The following CAMTA1 variants were observed in gnomAD, a reference collection of about 807,000 sequenced individuals.
CAMTA1 encodes the protein calmodulin binding transcription activator 1.
CAMTA1 carries 27 observed loss-of-function variants against 170.9 expected under a neutral mutation model. The ratio of observed to expected loss-of-function variants is 0.16; its 90% confidence interval spans 0.12 to 0.22. CAMTA1 has a LOEUF of 0.22. Ranked by LOEUF, CAMTA1 falls within the 10% of genes least tolerant of loss-of-function variation. CAMTA1 has a pLI of 1.00. For missense variants in CAMTA1, 1,619 were observed against 2,217.2 expected (o/e 0.73, Z 5.42); for synonymous variants, 833 against 891.5 (o/e 0.93, Z 1.17).
At chr1:6,864,769 G>A (rs1304377529) in intron 3 of CAMTA1, among the ~76,000 whole-genome samples, 1 of 152,126 alleles carries the variant, frequency 6.6e-6, no homozygotes, top group East Asian at 1.9e-4. Flanking sequence ...GGGCACTCTT[G>A]CTGGGTGTTT....
Position 7,179,252 on chromosome 1 carries a change from A to G in CAMTA1, c.303-70239A>G, listed in dbSNP as rs368288326. ...CGAATATCTATGCATGAAATAACAC[A>G]GGAACCACCTTTATAAAGCAGATAC... On this transcript the variant is annotated intron_variant, in intron 4 of 22. Transcript: ENST00000303635. Among the ~76,000 whole-genome samples, 5 of 152,374 alleles carry G rather than the reference A, an allele frequency of 3.3e-5. No homozygotes were observed. In the East Asian group the frequency reaches 9.6e-4, roughly 29 times the overall value.
At position 7,473,211 on chromosome 1, in the gene CAMTA1, G is replaced by C. The variant is rs2093363593; in HGVS notation, c.510+5310G>C. Among the ~76,000 whole-genome samples, 3 of 152,182 alleles carry C rather than the reference G, an allele frequency of 2.0e-5. No individual in the cohort carries two copies. In the South Asian group the frequency reaches 6.2e-4, roughly 31 times the overall value. ...CAAGGCTGCAGGGAGAGGCCCTAGG[G>C]GAGATGCCCCGGTTCCACTCCTGCC... On this transcript the variant is annotated intron_variant, in intron 6 of 22. Coordinates refer to ENST00000303635, the MANE Select transcript of CAMTA1 (RefSeq NM_015215.4).
chr1:7,047,702 T>G (rs1339235735), intron 3 of CAMTA1, among the ~76,000 whole-genome samples: 1 of 147,196 alleles, frequency 6.8e-6, no homozygotes, highest in East Asian at 1.9e-4. Flanking sequence ...TGGCTTTGGC[T>G]TTCTCTCTCT....
intron 16 of CAMTA1, among the ~76,000 whole-genome samples, chr1:7,743,403 CAGCTG>C (rs2096832488): frequency 6.6e-6 from 1 of 152,058 alleles, no homozygotes; most frequent in Non-Finnish European, 1.5e-5. Flanking sequence ...TAAACATATA[CAGCTG>C]AGCAACCATC....
At chr1:7,667,370 C>G (rs1025637966) in intron 9 of CAMTA1, among the ~76,000 whole-genome samples, 1 of 152,150 alleles carries the variant, frequency 6.6e-6, no homozygotes, top group Non-Finnish European at 1.5e-5. Context: ...GGGGGACGGT[C>G]AGAGCTGTCT....
At position 7,655,603 on chromosome 1, in the gene CAMTA1, C is replaced by T. The variant is rs976686809; in HGVS notation, c.665-6123C>T. Among the ~76,000 whole-genome samples the T allele has an allele frequency of 1.5e-4, 20 of 137,872 alleles. No individual in the cohort carries two copies. The East Asian group carries it at 4.3e-3, about 30-fold the overall frequency. 90.4% of individuals were successfully genotyped at this position (137,872 alleles called of 152,430 possible). A position where few individuals can be genotyped will look rare whatever the true frequency, so the allele number is the denominator to read the frequency against. On this transcript the variant is annotated intron_variant, in intron 7 of 22. Coordinates refer to ENST00000303635, the MANE Select transcript of CAMTA1 (RefSeq NM_015215.4). Reference sequence around the variant, plus strand: ...ACACACAAACACCCCTATACACACACCTATACACACCCACACACCTATACA... The same window carrying T: ...ACACACAAACACCCCTATACACACATCTATACACACCCACACACCTATACA...
rs528251482 is a variant in CAMTA1, at chr1:7,680,212, G to A, written c.2914+2479G>A. The A allele has an allele frequency of 6.1e-4, 169 of 278,016 alleles. No individual in the cohort carries two copies. The highest frequency in any genetic ancestry group is 3.6e-3 in the African/African-American group (160 of 44,000). The allele number at this position is 278,016 out of a possible 1,614,324, so 17.2% of individuals were successfully genotyped here. ...CGGGCCAATGCTGCAGTGGCCGGGCGGTGGTGAGCCTTCCGTTCCCCGCCT... is the reference window on the plus strand; with the variant it reads ...CGGGCCAATGCTGCAGTGGCCGGGCAGTGGTGAGCCTTCCGTTCCCCGCCT... On this transcript the variant is annotated intron_variant, in intron 11 of 22. Transcript: ENST00000303635. The surrounding 1 kb of genome is among the most constrained non-coding windows in gnomAD (Gnocchi z 4.4).
chr1:6,876,212 G>A (rs7546903), intron 3 of CAMTA1, among the ~76,000 whole-genome samples: 102,693 of 151,142 alleles, frequency 0.68, 35,307 homozygotes, highest in Admixed American at 0.77. Flanking sequence ...CTTCTCCTTC[G>A]TAGTTCCCTC....
At chr1:7,271,684 AG>A (rs1224183034) in intron 5 of CAMTA1, among the ~76,000 whole-genome samples, 1 of 152,124 alleles carries the variant, frequency 6.6e-6, no homozygotes, top group Non-Finnish European at 1.5e-5. Context: ...GACCCCAAAA[AG>A]GGAGAAAAGA....
At chr1:7,181,470 A>G (rs1479998099) in intron 4 of CAMTA1, among the ~76,000 whole-genome samples, 2 of 152,210 alleles carry the variant, frequency 1.3e-5, no homozygotes, top group African/African-American at 2.4e-5. Context: ...ATGATATGAT[A>G]GTATACTGGG....
chr1:7,239,120 CATT>C (rs1201418100), intron 4 of CAMTA1, among the ~76,000 whole-genome samples: 1 of 152,190 alleles, frequency 6.6e-6, no homozygotes, highest in Admixed American at 6.5e-5. Context: ...CTTCCCTCAA[CATT>C]ATTTGGAAGC....
intron 16 of CAMTA1, among the ~76,000 whole-genome samples, chr1:7,744,481 T>C (rs2096843029): frequency 6.6e-6 from 1 of 152,134 alleles, no homozygotes; most frequent in African/African-American, 2.4e-5. Flanking sequence ...AGATATTGGT[T>C]ATGTAACTAA....
At chr1:7,528,999 A>G (rs1423380578) in intron 6 of CAMTA1, among the ~76,000 whole-genome samples, 1 of 152,044 alleles carries the variant, frequency 6.6e-6, no homozygotes, top group African/African-American at 2.4e-5. Context: ...TCATGCCAGT[A>G]ACTAGTCATG....
chr1:7,741,188 G>A (rs1277153014), intron 16 of CAMTA1, among the ~76,000 whole-genome samples: 2 of 151,830 alleles, frequency 1.3e-5, no homozygotes, highest in Non-Finnish European at 1.5e-5. Context: ...GTGTATGAAA[G>A]CTCTCGGGTT....
chr1:7,730,928 C>CTCTCTATATA (rs1478235304), intron 11 of CAMTA1, among the ~76,000 whole-genome samples: 5 of 114,196 alleles, frequency 4.4e-5, no homozygotes, highest in African/African-American at 1.6e-4. Flanking sequence ...CTCTCTCTCT[C>CTCTCTATATA]TATATATATA....
At chr1:7,553,129 A>G (rs1460179877) in intron 6 of CAMTA1, among the ~76,000 whole-genome samples, 2 of 152,208 alleles carry the variant, frequency 1.3e-5, no homozygotes, top group African/African-American at 4.8e-5. Flanking sequence ...GTGAGTGAGT[A>G]AATGAATGAG....
rs147247166 is a variant in CAMTA1, at chr1:7,251,082, G to A, written c.438+1456G>A. Reference sequence around the variant, plus strand: ...AACAACGAGGCTGCTCGCACCGGGAGTAATAGGGCTGCGGGAATTCAAACT... The same window carrying A: ...AACAACGAGGCTGCTCGCACCGGGAATAATAGGGCTGCGGGAATTCAAACT... On this transcript the variant is annotated intron_variant, in intron 5 of 22. Coordinates refer to ENST00000303635, the MANE Select transcript of CAMTA1 (RefSeq NM_015215.4). This position sits in a 1 kb window ranked among gnomAD's most constrained non-coding sequence, Gnocchi z 5.1. 3.9e-3 allele frequency among the ~76,000 whole-genome samples: 591 copies of A among 152,308 alleles called. 5 individuals carry two copies. Among genetic ancestry groups the A allele is most frequent in the African/African-American group, 0.013 (559 of 41,566 alleles).
Position 7,736,765 on chromosome 1 carries a change from A to ACC in CAMTA1, c.3264-163_3264-162dup, listed in dbSNP as rs953087497. ...ATGTTGGACTTGTCATTTTCTTTGG[A>ACC]CCCCTAGCCAAATGGAGCGTCCACA... On this transcript the variant is annotated intron_variant, in intron 13 of 22. Coordinates refer to ENST00000303635, the MANE Select transcript of CAMTA1 (RefSeq NM_015215.4). The surrounding 1 kb of genome is among the most constrained non-coding windows in gnomAD (Gnocchi z 4.5). Among the ~76,000 whole-genome samples, 1 of 151,910 alleles carries ACC rather than the reference A, an allele frequency of 6.6e-6. No individual in the cohort carries two copies. The highest frequency in any genetic ancestry group is 1.5e-5 in the Non-Finnish European group (1 of 67,960).
At chr1:7,015,044 C>A (rs950187468) in intron 3 of CAMTA1, among the ~76,000 whole-genome samples, 3 of 152,148 alleles carry the variant, frequency 2.0e-5, no homozygotes, top group Admixed American at 6.5e-5. Flanking sequence ...GGATAGAATT[C>A]TTTCTCAGAA....
Sources: allele counts gnomAD v4.1 joint callset (sites outside exome capture counted in the v4.1 genomes callset), GRCh38; gene constraint gnomAD v4.1.1; non-coding constraint Gnocchi (gnomAD v3.1); transcripts MANE v1.5; gene names NCBI Gene and HGNC (gene_info 2026-07-23, HGNC 2026-07-21).